Variants in RASA3 observed in about 807,000 individuals in gnomAD.
RASA3 encodes the protein RAS p21 protein activator 3.
A neutral mutation model predicts 110.0 loss-of-function variants in RASA3; 73 were observed. That is an observed-to-expected ratio of 0.66 (90% CI 0.55 to 0.81). The LOEUF is 0.81. Ranked by LOEUF, RASA3 falls within the 30% of genes least tolerant of loss-of-function variation. The probability of loss-of-function intolerance (pLI) is 0.00; values close to 1 mark genes in which losing one functional copy is unlikely to be tolerated. For synonymous variants in RASA3, 500 were observed against 451.4 expected (o/e 1.11, Z -1.37); for missense variants, 976 against 1,113.2 (o/e 0.88, Z 1.75).
intron 1 of RASA3, among the ~76,000 whole-genome samples, chr13:114,081,338 TC>T (rs1365064038): frequency 6.6e-6 from 1 of 152,010 alleles, no homozygotes; most frequent in Non-Finnish European, 1.5e-5. Flanking sequence ...AGGCCGGGCC[TC>T]CCCAGGGCTG....
In RASA3 at chr13:114,040,315, G is replaced by C. The variant is rs576722072; in HGVS notation, c.372+685C>G. On this transcript the variant is annotated intron_variant, in intron 4 of 23. Transcript: ENST00000334062. ...ATGGCAGAGACCGCGCTCACTCCGA[G>C]CACAAGCGGGCGAACACGCACAACC... Among the ~76,000 whole-genome samples the C allele has an allele frequency of 5.3e-3, 781 of 146,570 alleles. 1 individual carries two copies. Among genetic ancestry groups the C allele is most frequent in the African/African-American group, 0.012 (478 of 39,436 alleles).
At chr13:114,040,129 A>G (rs1054973373) in intron 4 of RASA3, among the ~76,000 whole-genome samples, 3 of 152,256 alleles carry the variant, frequency 2.0e-5, no homozygotes, top group African/African-American at 4.8e-5. Context: ...TCAGTTGTGC[A>G]TGACAAAGGG....
chr13:114,041,184 C>T, intron 3 of RASA3, 90 bp from the exon 4 acceptor site: 5 of 1,111,874 alleles, frequency 4.5e-6, no homozygotes, highest in Non-Finnish European at 5.4e-6. Context: ...ATCACCGCAG[C>T]TTATTTCCAA....
intron 3 of RASA3, among the ~76,000 whole-genome samples, chr13:114,044,730 G>C (rs1377725237): frequency 6.6e-6 from 1 of 150,960 alleles, no homozygotes; most frequent in Non-Finnish European, 1.5e-5. Flanking sequence ...AACTGAGTTG[G>C]GCAATATATT....
chr13:114,100,752 G>A (rs1482196837), intron 1 of RASA3, among the ~76,000 whole-genome samples: 1 of 152,182 alleles, frequency 6.6e-6, no homozygotes, highest in East Asian at 1.9e-4. Context: ...CAGCCGTTTG[G>A]GAACTGTGTA....
At chr13:114,039,747 G>T (rs140579275) in intron 4 of RASA3, among the ~76,000 whole-genome samples, 1 of 152,232 alleles carries the variant, frequency 6.6e-6, no homozygotes, top group Non-Finnish European at 1.5e-5. Flanking sequence ...GGCACCGTGC[G>T]TCCGTGAGCA....
rs149782849 is a variant in RASA3, at chr13:113,979,381, C to A, written c.2471G>T (p.Arg824Leu). The part of the protein sequence containing the change: ...IGDKSFQNYI[R>L]QQSETSTHSI Reference sequence around the variant, plus strand: ...ATGAGTGGAGGTCTCGGACTGCTGCCGGATGTAGTTCTGGAAGCTCTTGTC... The same window carrying A: ...ATGAGTGGAGGTCTCGGACTGCTGCAGGATGTAGTTCTGGAAGCTCTTGTC... The change falls in exon 24 of 24, where the codon CGG becomes CTG. Residue 824 changes from arginine to leucine, a missense_variant. Physicochemically the swap from Arg to Leu is moderately radical, Grantham distance 102 (BLOSUM62 -2). Around this residue, in one of 4 missense-constraint regions of RASA3, gnomAD observed 132 missense variants for 152.8 expected, o/e 0.86. Transcript: ENST00000334062. The A allele has an allele frequency of 2.5e-6, 4 of 1,607,324 alleles. No individual in the cohort carries two copies. Among genetic ancestry groups the A allele is most frequent in the African/African-American group, 2.7e-5 (2 of 74,596 alleles).
chr13:113,999,345 T>C (rs1167888433), intron 20 of RASA3, among the ~76,000 whole-genome samples: 3 of 152,148 alleles, frequency 2.0e-5, no homozygotes, highest in Non-Finnish European at 2.9e-5. Flanking sequence ...AGGCCCCACC[T>C]TCCGGCAGGT....
intron 2 of RASA3, among the ~76,000 whole-genome samples, chr13:114,068,037 G>C (rs2079483619): frequency 6.6e-6 from 1 of 152,244 alleles, no homozygotes; most frequent in Non-Finnish European, 1.5e-5. Flanking sequence ...TACAGACACA[G>C]CTTTGTAACC....
Position 114,056,551 on chromosome 13 carries a change from G to T in RASA3, c.174-4396C>A. On this transcript the variant is annotated intron_variant, in intron 2 of 23. Transcript: ENST00000334062. This position sits in a 1 kb window ranked among gnomAD's most constrained non-coding sequence, Gnocchi z 5.7. ...GCTCTGCCAAAGGCTCTGCACAAGTGGCTCCTCTCTCTGTAACTCTGCTTG... is the reference window on the plus strand; with the variant it reads ...GCTCTGCCAAAGGCTCTGCACAAGTTGCTCCTCTCTCTGTAACTCTGCTTG... 1.0e-6 allele frequency: 1 copy of T among 985,110 alleles called. No homozygotes were observed. The highest frequency in any genetic ancestry group is 1.2e-6 in the Non-Finnish European group (1 of 829,884). 61.0% of individuals were successfully genotyped at this position (985,110 alleles called of 1,614,324 possible).
Position 114,065,223 on chromosome 13 carries a change from T to C in RASA3, c.173+8497A>G, listed in dbSNP as rs1387195819. On this transcript the variant is annotated intron_variant, in intron 2 of 23. Transcript: ENST00000334062. This position sits in a 1 kb window ranked among gnomAD's most constrained non-coding sequence, Gnocchi z 4.1. Reference sequence around the variant, plus strand: ...CTCCTCCCTGAGTCACTTCCCAGCATCTGCGCAAGGCTGGCGCTGCCCCAT... The same window carrying C: ...CTCCTCCCTGAGTCACTTCCCAGCACCTGCGCAAGGCTGGCGCTGCCCCAT... Among the ~76,000 whole-genome samples the C allele has an allele frequency of 6.6e-6, 1 of 152,196 alleles. No individual in the cohort carries two copies. The highest frequency in any genetic ancestry group is 2.4e-5 in the African/African-American group (1 of 41,446).
At chr13:113,982,400 G>C (rs1269741642) in intron 22 of RASA3, among the ~76,000 whole-genome samples, 3 of 152,234 alleles carry the variant, frequency 2.0e-5, no homozygotes, top group African/African-American at 7.2e-5. Context: ...ACCAGTCTGT[G>C]CCGCAGCTTC....
intron 1 of RASA3, among the ~76,000 whole-genome samples, chr13:114,079,822 C>T (rs549020070): frequency 6.6e-6 from 1 of 152,078 alleles, no homozygotes; most frequent in South Asian, 2.1e-4. Flanking sequence ...CCTGAGTGCC[C>T]GTCCGCACTG....
At position 114,096,277 on chromosome 13, in the gene RASA3, C is replaced by T. The variant is rs1029364799; in HGVS notation, c.56-22440G>A. Among the ~76,000 whole-genome samples the T allele has an allele frequency of 3.9e-5, 6 of 152,296 alleles. No homozygotes were observed. Among genetic ancestry groups the T allele is most frequent in the African/African-American group, 1.2e-4 (5 of 41,568 alleles). The stretch of plus-strand genomic sequence containing the variant: ...TCTCGAAAATGCAGGGTGACCCTGG[C>T]GCAGGATCGGGTCTGAGAGCTGCTC... On this transcript the variant is annotated intron_variant, in intron 1 of 23. Coordinates refer to ENST00000334062, the MANE Select transcript of RASA3 (RefSeq NM_007368.4). This position sits in a 1 kb window ranked among gnomAD's most constrained non-coding sequence, Gnocchi z 5.1.
At chr13:114,067,561 C>T (rs2079476466) in intron 2 of RASA3, among the ~76,000 whole-genome samples, 1 of 152,236 alleles carries the variant, frequency 6.6e-6, no homozygotes, top group Non-Finnish European at 1.5e-5. Flanking sequence ...TTTCTAACCC[C>T]AAATAACTTC....
intron 1 of RASA3, among the ~76,000 whole-genome samples, chr13:114,100,127 C>G (rs1000108898): frequency 6.6e-6 from 1 of 151,146 alleles, no homozygotes; most frequent in Non-Finnish European, 1.5e-5. Flanking sequence ...CACAGCAAGG[C>G]TTTCCAAACT....
At chr13:114,052,738 C>T (rs536346634) in intron 2 of RASA3, among the ~76,000 whole-genome samples, 7 of 148,480 alleles carry the variant, frequency 4.7e-5, no homozygotes, top group East Asian at 2.0e-4. Context: ...GAGAGATCCC[C>T]GCTGCTGACT....
At chr13:114,083,309 T>G (rs2079810951) in intron 1 of RASA3, among the ~76,000 whole-genome samples, 2 of 152,246 alleles carry the variant, frequency 1.3e-5, no homozygotes, top group Non-Finnish European at 2.9e-5. Context: ...TGTTCAAACG[T>G]GAGCTCAATT....
chr13:114,121,289 G>C (rs1363566203), intron 1 of RASA3, among the ~76,000 whole-genome samples: 1 of 152,218 alleles, frequency 6.6e-6, no homozygotes, highest in African/African-American at 2.4e-5. Context: ...AGGCCCCTGA[G>C]AGCCACGGGG....
Sources: gnomAD v4.1 joint callset for allele counts (sites outside exome capture counted in the v4.1 genomes callset) on GRCh38, gnomAD v4.1.1 for gene constraint, gnomAD v4.1.1 regional missense constraint, Gnocchi (gnomAD v3.1) non-coding constraint, MANE v1.5 for transcripts, NCBI Gene and HGNC (gene_info 2026-07-23, HGNC 2026-07-21) for gene names.